FBN2: variants seen among roughly 807,000 people sequenced by gnomAD.
The protein encoded by FBN2 is fibrillin 2.
In FBN2, 105 loss-of-function variants were observed where a neutral mutation model predicts 355.6. That is an observed-to-expected ratio of 0.30 (90% CI 0.25 to 0.35). The LOEUF (loss-of-function observed/expected upper bound fraction) is 0.35, where lower values mean the gene tolerates loss of function less well. Among genes scored for constraint, FBN2 ranks in the 10% least tolerant of loss-of-function variants. FBN2 has a pLI of 1.00. For missense variants in FBN2, 3,280 were observed against 3,758.7 expected, an observed-to-expected ratio of 0.87 and a Z score of 3.33; for synonymous variants, 1,350 against 1,301.2, an observed-to-expected ratio of 1.04 and a Z score of -0.81.
chr5:128,259,748 C>T lies in FBN2; in HGVS notation c.8446G>A (p.Glu2816Lys), dbSNP rs370355682. The change falls in exon 65 of 65, where the codon GAG (glutamate) becomes AAG (lysine). Residue 2816 changes from glutamate (E) to lysine (K), a missense_variant. Glu to Lys is a moderately conservative substitution (Grantham distance 56, BLOSUM62 1). Coordinates refer to ENST00000262464, the MANE Select transcript of FBN2 (RefSeq NM_001999.4). ...GCGGGCCTTAGTTCCAGGATGTGCT[C>T]CTTAGAGCCGAGGTGGGAGAGGTTG... ...KFNLSHLGSK[E>K]HILELRPAIQ... 1.2e-6 allele frequency: 2 copies of T among 1,613,730 alleles called. No individual in the cohort carries two copies. The highest frequency in any genetic ancestry group is 3.3e-4 in the Middle Eastern group (2 of 6,052).
intron 6 of FBN2, among the ~76,000 whole-genome samples, chr5:128,463,119 A>G (rs2127081716): frequency 6.6e-6 from 1 of 152,256 alleles, no homozygotes; most frequent in South Asian, 2.1e-4. Context: ...AATATAGTAG[A>G]GTATTTTATT....
chr5:128,268,444 G>A (rs1765175625), intron 62 of FBN2, among the ~76,000 whole-genome samples: 1 of 152,192 alleles, frequency 6.6e-6, no homozygotes, highest in African/African-American at 2.4e-5. Context: ...TCTACCAGAG[G>A]TACCAAGAGG....
chr5:128,377,690 G>T, intron 13 of FBN2, 62 bp downstream of exon 13: 3 of 1,555,982 alleles, frequency 1.9e-6, no homozygotes, highest in Non-Finnish European at 1.8e-6. Context: ...ATAGTACATG[G>T]TTCTAAATAA....
At chr5:128,392,840 C>A (rs1752551389) in intron 10 of FBN2, among the ~76,000 whole-genome samples, 1 of 152,102 alleles carries the variant, frequency 6.6e-6, no homozygotes, top group African/African-American at 2.4e-5. Context: ...TATTACTGGG[C>A]TCTCATATGT....
In FBN2 at chr5:128,286,766, T is replaced by G; in HGVS notation, c.6964A>C (p.Ile2322Leu). The change falls in exon 55 of 65, where the codon ATC becomes CTC. Residue 2322 changes from isoleucine to leucine, a missense_variant. Physicochemically the swap from Ile to Leu is conservative, Grantham distance 5. Transcript: ENST00000262464. ...CTTCGGGCCATTCCAGGAGGGCAGA[T>G]GCACATGAAGGTGCCGATTAGATTC... Reference protein sequence around the residue: ...CKNLIGTFMCICPPGMARRPD... With the variant: ...CKNLIGTFMCLCPPGMARRPD... The G allele has an allele frequency of 1.2e-6, 2 of 1,614,176 alleles. No individual in the cohort carries two copies. The highest frequency in any genetic ancestry group is 1.7e-6 in the Non-Finnish European group (2 of 1,179,984).
At chr5:128,297,123 T>G (rs1749544737) in intron 48 of FBN2, among the ~76,000 whole-genome samples, 1 of 152,162 alleles carries the variant, frequency 6.6e-6, no homozygotes, top group Non-Finnish European at 1.5e-5. Context: ...AGCAGGTTGT[T>G]CAGTTTCCAT....
At chr5:128,349,055 C>A (rs1028784160) in intron 23 of FBN2, among the ~76,000 whole-genome samples, 8 of 152,146 alleles carry the variant, frequency 5.3e-5, no homozygotes, top group Non-Finnish European at 1.2e-4. Flanking sequence ...TCAACATATT[C>A]TTACTCTATT....
At chr5:128,283,574 A>G (rs1005419170) in intron 55 of FBN2, among the ~76,000 whole-genome samples, 3 of 152,228 alleles carry the variant, frequency 2.0e-5, no homozygotes, top group Admixed American at 6.5e-5. Context: ...ACCAGAGTCC[A>G]GTGTCCTGGG....
At chr5:128,434,504 T>C (rs1753725968) in intron 7 of FBN2, among the ~76,000 whole-genome samples, 1 of 149,198 alleles carries the variant, frequency 6.7e-6, no homozygotes, top group Non-Finnish European at 1.5e-5. Context: ...ACATTTTTAT[T>C]TGACTACAGC....
chr5:128,357,401 A>T lies in FBN2; in HGVS notation c.2555-6T>A, dbSNP rs376507178. On this transcript the variant is annotated splice_polypyrimidine_tract_variant and splice_region_variant and intron_variant, in intron 19 of 64. Coordinates refer to ENST00000262464, the MANE Select transcript of FBN2 (RefSeq NM_001999.4). ...GCTTTCACATTCATTTATATCTACA[A>T]TCCAGAAGGAAAAGATTCTGTTAGA... 1.2e-6 allele frequency: 2 copies of T among 1,613,732 alleles called. No individual in the cohort carries two copies. The highest frequency in any genetic ancestry group is 2.7e-5 in the African/African-American group (2 of 75,026).
chr5:128,375,569 T>A (rs1752058120), intron 14 of FBN2, among the ~76,000 whole-genome samples: 1 of 152,186 alleles, frequency 6.6e-6, no homozygotes, highest in Non-Finnish European at 1.5e-5. Context: ...CTCAGAAACA[T>A]AAGAATTCAG....
At chr5:128,474,926 G>A (rs928032331) in intron 5 of FBN2, among the ~76,000 whole-genome samples, 13 of 152,166 alleles carry the variant, frequency 8.5e-5, no homozygotes, top group Admixed American at 3.9e-4. Flanking sequence ...CCATTAGACC[G>A]TAGGACATTC....
Position 128,464,869 on chromosome 5 carries a change from C to T in FBN2, c.681G>A (p.Gly227=). Residue 227 remains glycine, a synonymous_variant, in exon 6 of 65, where the codon GGG becomes GGA. Coordinates refer to ENST00000262464, the MANE Select transcript of FBN2 (RefSeq NM_001999.4). Reference sequence around the variant, plus strand: ...TCGTGCAGACAATGCCTGTCAGCTGCCCTTGGCACATCTGGTTGTTGACCT... The same window carrying T: ...TCGTGCAGACAATGCCTGTCAGCTGTCCTTGGCACATCTGGTTGTTGACCT... ...FTQVNNQMCQ[G]QLTGIVCTKT... 1 of 1,614,230 alleles carries T rather than the reference C, an allele frequency of 6.2e-7. No homozygotes were observed. The highest frequency in any genetic ancestry group is 8.5e-7 in the Non-Finnish European group (1 of 1,180,044).
intron 25 of FBN2, among the ~76,000 whole-genome samples, chr5:128,340,628 C>G (rs929055946): frequency 6.6e-6 from 1 of 152,092 alleles, no homozygotes; most frequent in African/African-American, 2.4e-5. Flanking sequence ...GATTCTAGAA[C>G]CAGATACCTG....
chr5:128,280,110 T>C, intron 56 of FBN2, 82 bp downstream of exon 56: 2 of 1,137,618 alleles, frequency 1.8e-6, no homozygotes, highest in South Asian at 2.5e-5. Flanking sequence ...CAGACAAGAA[T>C]ATATATGTGG....
chr5:128,472,405 T>C (rs1754885692), intron 5 of FBN2, among the ~76,000 whole-genome samples: 2 of 152,026 alleles, frequency 1.3e-5, no homozygotes, highest in Admixed American at 1.3e-4. Context: ...GGTAAGGAGA[T>C]TTCTGTTTTA....
chr5:128,498,765 G>A (rs951194708), intron 5 of FBN2, among the ~76,000 whole-genome samples: 1 of 151,956 alleles, frequency 6.6e-6, no homozygotes, highest in Admixed American at 6.6e-5. Flanking sequence ...AAGTGTGCAG[G>A]GTTACATTCC....
At chr5:128,269,657 A>G (rs1367380004) in intron 62 of FBN2, among the ~76,000 whole-genome samples, 1 of 152,178 alleles carries the variant, frequency 6.6e-6, no homozygotes, top group Admixed American at 6.5e-5. Flanking sequence ...AAAATACGTA[A>G]GAATACAGCA....
Position 128,357,316 on chromosome 5 carries a change from C to A in FBN2, c.2634G>T (p.Ser878=), listed in dbSNP as rs143905167. The change falls in exon 20 of 65, where the codon TCG becomes TCT. Residue 878 remains serine (S), a synonymous_variant. Transcript: ENST00000262464. ...NNLGSFNCEC[S]PGSKLSSTGL... ...CTGTGGAGCTGAGTTTGCTGCCGGG[C>A]GAACATTCACAATTGAAAGATCCAA... The A allele has an allele frequency of 1.9e-5, 31 of 1,613,804 alleles. No individual in the cohort carries two copies. The highest frequency in any genetic ancestry group is 1.2e-4 in the Admixed American group (7 of 59,986).
Sources: allele counts gnomAD v4.1 joint callset (sites outside exome capture counted in the v4.1 genomes callset), GRCh38; gene constraint gnomAD v4.1.1; transcripts MANE v1.5; gene names NCBI Gene and HGNC (gene_info 2026-07-23, HGNC 2026-07-21).